The following SLC5A8 variants were observed in gnomAD, a reference collection of about 807,000 sequenced individuals.
The protein encoded by SLC5A8 is sodium-coupled monocarboxylate transporter 1.
A neutral mutation model predicts 71.9 loss-of-function variants in SLC5A8; 55 were observed. The observed-to-expected ratio is 0.77, with a 90% confidence interval of 0.62 to 0.96. The LOEUF (loss-of-function observed/expected upper bound fraction) is 0.96, where lower values mean the gene tolerates loss of function less well. Among genes scored for constraint, SLC5A8 ranks in the 40% least tolerant of loss-of-function variants. SLC5A8 has a pLI of 0.00. For synonymous variants in SLC5A8, 307 were observed against 276.1 expected (o/e 1.11, Z -1.11); for missense variants, 701 against 745.3 (o/e 0.94, Z 0.69).
In SLC5A8 at chr12:101,166,503, T is replaced by C. The variant is rs2051771401; in HGVS notation, c.1517A>G (p.Asn506Ser). Residue 506 changes from asparagine to serine, a missense_variant, in exon 12 of 15, where the codon AAT (asparagine) becomes AGT (serine). By Grantham distance (46) the Asn-to-Ser change is conservative. Transcript: ENST00000536262. ...AAACTTAATTCAATACCTTTGAACATTGTATATTTGAAAAACACTAGTAGT... is the reference window on the plus strand; with the variant it reads ...AAACTTAATTCAATACCTTTGAACACTGTATATTTGAAAAACACTAGTAGT... Reference protein sequence around the residue: ...PFTTSVFQIYNVQRTPLMDNW... With the variant: ...PFTTSVFQIYSVQRTPLMDNW... 2.5e-6 allele frequency: 4 copies of C among 1,612,928 alleles called. No individual in the cohort carries two copies. Among genetic ancestry groups the C allele is most frequent in the South Asian group, 1.1e-5 (1 of 90,796 alleles).
intron 6 of SLC5A8, 110 bp downstream of exon 6, chr12:101,190,358 G>T: frequency 2.5e-6 from 3 of 1,194,926 alleles, no homozygotes; most frequent in East Asian, 2.7e-5. Context: ...TTATCTCTTG[G>T]AATTTCATGA....
chr12:101,169,391 C>A (rs1449930098), intron 10 of SLC5A8, among the ~76,000 whole-genome samples: 1 of 152,306 alleles, frequency 6.6e-6, no homozygotes, highest in East Asian at 1.9e-4. Context: ...GAGCTCCAGG[C>A]ACTAATGCAG....
rs376729905 is a variant in SLC5A8, at chr12:101,190,624, C to T, written c.693-16G>A. On this transcript the variant is annotated splice_polypyrimidine_tract_variant and intron_variant, in intron 5 of 14. Coordinates refer to ENST00000536262, the MANE Select transcript of SLC5A8 (RefSeq NM_145913.5). Reference sequence around the variant, plus strand: ...AGGATTAAAACTAAATGACAAGAAACAGAAAACAAATCTGAACTATTAGCA... The same window carrying T: ...AGGATTAAAACTAAATGACAAGAAATAGAAAACAAATCTGAACTATTAGCA... 7.4e-5 allele frequency: 118 copies of T among 1,587,576 alleles called. No homozygotes were observed. The highest frequency in any genetic ancestry group is 9.8e-5 in the Non-Finnish European group (115 of 1,171,728).
Position 101,210,177 on chromosome 12 carries a change from A to C in SLC5A8, c.-329T>G. On this transcript the variant is annotated 5_prime_UTR_variant, in exon 1 of 15. Coordinates refer to ENST00000536262, the MANE Select transcript of SLC5A8 (RefSeq NM_145913.5). ...GCCGGGGACACCTGAGCAGATGAGA[A>C]CTGGAGCCTCCAGCTGCTTCCAGCG... The C allele has an allele frequency of 3.3e-6, 1 of 304,324 alleles. No individual in the cohort carries two copies. Among genetic ancestry groups the C allele is most frequent in the Non-Finnish European group, 6.0e-6 (1 of 167,664 alleles). The allele number at this position is 304,324 out of a possible 1,614,324, so 18.9% of individuals were successfully genotyped here.
At chr12:101,166,851 G>C in intron 11 of SLC5A8, 152 bp from the exon 12 acceptor site, 1 of 643,568 alleles carries the variant, frequency 1.6e-6, no homozygotes, top group East Asian at 2.8e-5. Context: ...ATAGTGCTCA[G>C]CCCATAAAAA....
chr12:101,177,442 T>TACACACACACAC (rs1491440045), intron 10 of SLC5A8, among the ~76,000 whole-genome samples: 65 of 133,426 alleles, frequency 4.9e-4, no homozygotes, highest in Non-Finnish European at 8.2e-4. Context: ...AAAGGCAGTA[T>TACACACACACAC]ATACACACAC....
intron 10 of SLC5A8, among the ~76,000 whole-genome samples, chr12:101,175,123 A>G (rs2051867508): frequency 1.3e-5 from 2 of 152,112 alleles, no homozygotes; most frequent in Admixed American, 6.5e-5. Context: ...ATTAGGAAGA[A>G]CCAAATGAAA....
At position 101,155,925 on chromosome 12, in the gene SLC5A8, G is replaced by A. The variant is rs1376962018; in HGVS notation, c.*1354C>T. ...TATTTAATCATAAAAACATTTGTAT[G>A]TATCTAAATATTTCTCTTATGTTTC... On this transcript the variant is annotated 3_prime_UTR_variant, in exon 15 of 15. Transcript: ENST00000536262. 1 of 150,684 alleles carries A rather than the reference G, an allele frequency of 6.6e-6. No individual in the cohort carries two copies. The highest frequency in any genetic ancestry group is 2.5e-5 in the African/African-American group (1 of 40,706). The allele number at this position is 150,684 out of a possible 1,614,324, so 9.3% of individuals were successfully genotyped here.
At chr12:101,176,301 G>T (rs909515658) in intron 10 of SLC5A8, among the ~76,000 whole-genome samples, 1 of 151,968 alleles carries the variant, frequency 6.6e-6, no homozygotes, top group Non-Finnish European at 1.5e-5. Context: ...AAGACCCAAT[G>T]CATGAAGCAA....
chr12:101,171,684 C>CG (rs2051831240), intron 10 of SLC5A8, among the ~76,000 whole-genome samples: 1 of 152,064 alleles, frequency 6.6e-6, no homozygotes, highest in South Asian at 2.1e-4. Context: ...GGACAGGTAG[C>CG]GACCAAGTCT....
rs564200871 is a variant in SLC5A8, at chr12:101,191,016, C to T, written c.693-408G>A. 6.6e-5 allele frequency among the ~76,000 whole-genome samples: 10 copies of T among 152,230 alleles called. No homozygotes were observed. In the South Asian group the frequency reaches 1.0e-3, roughly 16 times the overall value. On this transcript the variant is annotated intron_variant, in intron 5 of 14. Transcript: ENST00000536262. ...AGACGAGATGGCACTAAAATGAACA[C>T]GAAATCAACACATTTTGTGTATAGA...
intron 5 of SLC5A8, among the ~76,000 whole-genome samples, chr12:101,191,494 T>C (rs537120744): frequency 3.3e-4 from 51 of 152,356 alleles, no homozygotes; most frequent in African/African-American, 1.1e-3. Flanking sequence ...CTCTATTTCA[T>C]GTCTAACATT....
intron 14 of SLC5A8, 125 bp from the exon 15 acceptor site, chr12:101,157,526 G>T: frequency 2.5e-6 from 3 of 1,178,262 alleles, no homozygotes; most frequent in South Asian, 1.7e-5. Flanking sequence ...CTGAGGGAGA[G>T]AAATATATAA....
Position 101,193,704 on chromosome 12 carries a change from T to A in SLC5A8, c.613A>T (p.Ile205Leu), listed in dbSNP as rs764941937. ...CCACCTTGCATCACCACAGCCTGTATAATCACGGATGCAAATCCAGCCACC... is the reference window on the plus strand; with the variant it reads ...CCACCTTGCATCACCACAGCCTGTAAAATCACGGATGCAAATCCAGCCACC... ...IMVAGFASVIIQAVVMQGGIS... is the reference protein window; with the variant it reads ...IMVAGFASVILQAVVMQGGIS... The change falls in exon 5 of 15, where the codon ATA (isoleucine) becomes TTA (leucine). Residue 205 changes from isoleucine to leucine, a missense_variant. Coordinates refer to ENST00000536262, the MANE Select transcript of SLC5A8 (RefSeq NM_145913.5). The A allele has an allele frequency of 6.2e-7, 1 of 1,614,198 alleles. No homozygotes were observed. The highest frequency in any genetic ancestry group is 8.5e-7 in the Non-Finnish European group (1 of 1,180,022).
intron 3 of SLC5A8, among the ~76,000 whole-genome samples, chr12:101,200,876 G>C (rs1056943685): frequency 6.6e-6 from 1 of 152,150 alleles, no homozygotes; most frequent in Non-Finnish European, 1.5e-5. Context: ...GTTAGACCTA[G>C]AGAATGTTAA....
rs779905729 is a variant in SLC5A8 at position 101,190,641 on chromosome 12, C to G, written c.693-33G>C. 6 of 1,554,278 alleles carry G rather than the reference C, an allele frequency of 3.9e-6. No individual in the cohort carries two copies. The Admixed American group carries it at 1.3e-4, about 34-fold the overall frequency. ...ACAAGAAACAGAAAACAAATCTGAA[C>G]TATTAGCAGAGACTAAAAAAAATTC... On this transcript the variant is annotated intron_variant, in intron 5 of 14. Coordinates refer to ENST00000536262, the MANE Select transcript of SLC5A8 (RefSeq NM_145913.5).
At chr12:101,194,049 G>A (rs1279067256) in intron 4 of SLC5A8, among the ~76,000 whole-genome samples, 1 of 152,212 alleles carries the variant, frequency 6.6e-6, no homozygotes, top group South Asian at 2.1e-4. Flanking sequence ...TACATGGCAT[G>A]CTGAATGGGG....
At chr12:101,200,231 G>A (rs1041251386) in intron 3 of SLC5A8, among the ~76,000 whole-genome samples, 2 of 151,828 alleles carry the variant, frequency 1.3e-5, no homozygotes, top group Non-Finnish European at 2.9e-5. Context: ...GCCCATAGGA[G>A]ATTTGTTAGA....
At chr12:101,177,347 T>C (rs2137137884) in intron 10 of SLC5A8, among the ~76,000 whole-genome samples, 1 of 152,062 alleles carries the variant, frequency 6.6e-6, no homozygotes, top group East Asian at 1.9e-4. Flanking sequence ...TTAGCACTAA[T>C]TTTAGACAAT....
Sources: gnomAD v4.1 joint callset for allele counts (sites outside exome capture counted in the v4.1 genomes callset) on GRCh38, gnomAD v4.1.1 for gene constraint, MANE v1.5 for transcripts, NCBI Gene and HGNC (gene_info 2026-07-23, HGNC 2026-07-21) for gene names.